The following CNTN6 variants were observed in gnomAD, a reference collection of about 807,000 sequenced individuals.
The protein encoded by CNTN6 is contactin-6.
CNTN6 carries 137 observed loss-of-function variants against 122.8 expected under a neutral mutation model. The observed-to-expected ratio is 1.12, with a 90% CI of 0.97 to 1.29. CNTN6 has a LOEUF of 1.29. Ranked by LOEUF, CNTN6 falls within the 50% of genes most tolerant of loss-of-function variation. The pLI is 0.00. For missense variants in CNTN6, 1,634 were observed against 1,223.4 expected (o/e 1.34, Z -5.01); for synonymous variants, 570 against 426.0 (o/e 1.34, Z -4.16).
chr3:1,121,279 A>G (rs2091939626), intron 1 of CNTN6, among the ~76,000 whole-genome samples: 1 of 151,572 alleles, frequency 6.6e-6, no homozygotes, highest in East Asian at 1.9e-4. Context: ...TAGGAGCTTC[A>G]GGGAAAACAT....
At chr3:1,346,789 C>G (rs889362918) in intron 11 of CNTN6, among the ~76,000 whole-genome samples, 3 of 152,112 alleles carry the variant, frequency 2.0e-5, no homozygotes, top group Non-Finnish European at 4.4e-5. Context: ...CTTAAAGTAA[C>G]ACAAAATCTG....
intron 20 of CNTN6, among the ~76,000 whole-genome samples, chr3:1,388,288 C>T (rs1253518116): frequency 4.7e-5 from 7 of 148,142 alleles, no homozygotes; most frequent in Non-Finnish European, 9.0e-5. Context: ...GGAGGCACCC[C>T]CCAGCAGGGG....
intron 11 of CNTN6, among the ~76,000 whole-genome samples, chr3:1,347,398 G>A (rs1340422001): frequency 6.6e-6 from 1 of 152,078 alleles, no homozygotes. Flanking sequence ...TTCTAATTAA[G>A]TGGATATTAG....
chr3:1,158,189 C>T (rs2093020196), intron 2 of CNTN6, among the ~76,000 whole-genome samples: 1 of 152,166 alleles, frequency 6.6e-6, no homozygotes, highest in Admixed American at 6.5e-5. Context: ...TCCTTACCAG[C>T]ATTTGTTATT....
chr3:1,381,291 G>T (rs1691840822), intron 17 of CNTN6, among the ~76,000 whole-genome samples: 1 of 152,018 alleles, frequency 6.6e-6, no homozygotes, highest in East Asian at 1.9e-4. Flanking sequence ...GTCTCCCTAT[G>T]AAAAAGAAGA....
At chr3:1,388,688 CTAGAA>C (rs1224072836) in intron 20 of CNTN6, among the ~76,000 whole-genome samples, 2 of 146,042 alleles carry the variant, frequency 1.4e-5, no homozygotes, top group African/African-American at 5.1e-5. Flanking sequence ...GAATGTATAA[CTAGAA>C]TAACCAATAT....
chr3:1,207,866 TCTC>T (rs2093979489), intron 2 of CNTN6, among the ~76,000 whole-genome samples: 1 of 152,082 alleles, frequency 6.6e-6, no homozygotes, highest in Non-Finnish European at 1.5e-5. Flanking sequence ...ATCTTTCTCT[TCTC>T]CTCTTCCTTT....
chr3:1,116,881 T>C (rs989402427), intron 1 of CNTN6, among the ~76,000 whole-genome samples: 3 of 151,996 alleles, frequency 2.0e-5, no homozygotes, highest in Non-Finnish European at 4.4e-5. Flanking sequence ...ATTTTTGTAT[T>C]TTTAGTAGAG....
chr3:1,393,957 C>T (rs1238880825), intron 20 of CNTN6, among the ~76,000 whole-genome samples: 4 of 151,984 alleles, frequency 2.6e-5, no homozygotes, highest in African/African-American at 9.7e-5. Flanking sequence ...ACTCCCTTGA[C>T]CTCAAGGGCA....
At position 1,300,456 on chromosome 3, in the gene CNTN6, G is replaced by GAAGC. The variant is rs773987816; in HGVS notation, c.761+2468_761+2469insCAAG. On this transcript the variant is annotated intron_variant, in intron 7 of 22. Transcript: ENST00000446702. ...GAGCAATTAGGGTCAGTTCAGGAAGGAAGGAAGGAAGGAAGGAAGGAAGGA... is the reference window on the plus strand; with the variant it reads ...GAGCAATTAGGGTCAGTTCAGGAAGGAAGCAAGGAAGGAAGGAAGGAAGGAAGGA... Among the ~76,000 whole-genome samples, 525 of 53,130 alleles carry GAAGC rather than the reference G, an allele frequency of 9.9e-3. 1 individual carries two copies. The highest frequency in any genetic ancestry group is 0.018 in the Non-Finnish European group (411 of 23,430). The allele number at this position is 53,130 out of a possible 152,430, so 34.9% of individuals were successfully genotyped here. A position where few individuals can be genotyped will look rare whatever the true frequency, so the allele number is the denominator to read the frequency against.
chr3:1,376,241 C>G (rs71309818), intron 16 of CNTN6, among the ~76,000 whole-genome samples: 2,546 of 152,226 alleles, frequency 0.017, 40 homozygotes, highest in Non-Finnish European at 0.024. Flanking sequence ...CATATACACA[C>G]TCAGCATTTC....
intron 7 of CNTN6, 33 bp downstream of exon 7, chr3:1,298,024 G>A (rs1275038312): frequency 6.7e-7 from 1 of 1,499,276 alleles, no homozygotes; most frequent in Non-Finnish European, 9.1e-7. Context: ...TGTTTTCCTG[G>A]TTGCATTAAT....
At chr3:1,356,947 A>C (rs1359097858) in intron 12 of CNTN6, among the ~76,000 whole-genome samples, 2 of 151,880 alleles carry the variant, frequency 1.3e-5, no homozygotes, top group African/African-American at 4.8e-5. Context: ...AACAAGCAAA[A>C]ACACGCATCA....
At chr3:1,274,422 G>T (rs1186616039) in intron 4 of CNTN6, among the ~76,000 whole-genome samples, 1 of 152,206 alleles carries the variant, frequency 6.6e-6, no homozygotes, top group African/African-American at 2.4e-5. Flanking sequence ...CTGATTGAGA[G>T]CAGGTGGAGA....
At chr3:1,272,974 A>T (rs911374297) in intron 4 of CNTN6, among the ~76,000 whole-genome samples, 5 of 152,134 alleles carry the variant, frequency 3.3e-5, no homozygotes, top group Non-Finnish European at 7.4e-5. Context: ...GAGAGAGCAT[A>T]TGGCCCAGTA....
chr3:1,374,240 A>G lies in CNTN6; in HGVS notation c.2095+167A>G, dbSNP rs116816098. Among the ~76,000 whole-genome samples the G allele has an allele frequency of 4.1e-3, 620 of 152,136 alleles. 7 individuals carry two copies. Among genetic ancestry groups the G allele is most frequent in the African/African-American group, 0.014 (596 of 41,506 alleles). On this transcript the variant is annotated intron_variant, in intron 16 of 22. Coordinates refer to ENST00000446702, the MANE Select transcript of CNTN6 (RefSeq NM_001289080.2). ...TTTTTACATACACAAGGCAAGGTGTATTTTCTCCAAATAGTAGGTTCAATA... is the reference window on the plus strand; with the variant it reads ...TTTTTACATACACAAGGCAAGGTGTGTTTTCTCCAAATAGTAGGTTCAATA...
intron 1 of CNTN6, among the ~76,000 whole-genome samples, chr3:1,100,330 T>A (rs2090816126): frequency 6.6e-6 from 1 of 152,182 alleles, no homozygotes; most frequent in African/African-American, 2.4e-5. Context: ...CATATTCTGT[T>A]CCATGATCTT....
intron 7 of CNTN6, among the ~76,000 whole-genome samples, chr3:1,298,720 C>T (rs952679470): frequency 2.0e-5 from 3 of 152,064 alleles, no homozygotes; most frequent in African/African-American, 7.2e-5. Context: ...ATGTGAGTTA[C>T]CTGGGGACAT....
chr3:1,177,142 G>T (rs917004493), intron 2 of CNTN6, among the ~76,000 whole-genome samples: 1 of 152,234 alleles, frequency 6.6e-6, no homozygotes, highest in African/African-American at 2.4e-5. Flanking sequence ...GAACGTCAAC[G>T]TGATAAAAGT....
Sources: gnomAD v4.1 joint callset for allele counts (sites outside exome capture counted in the v4.1 genomes callset) on GRCh38, gnomAD v4.1.1 for gene constraint, MANE v1.5 for transcripts, NCBI Gene and HGNC (gene_info 2026-07-23, HGNC 2026-07-21) for gene names.